Variants in SPHKAP observed in about 807,000 individuals in gnomAD.
SPHKAP encodes the protein A-kinase anchor protein SPHKAP.
Under a neutral mutation model 137.5 loss-of-function variants are expected in SPHKAP, and 67 were observed. The observed-to-expected ratio is 0.49, with a 90% confidence interval of 0.40 to 0.60. The LOEUF (loss-of-function observed/expected upper bound fraction) is 0.60, where lower values mean the gene tolerates loss of function less well. SPHKAP is among the 20% of genes least tolerant of loss of function. SPHKAP has a pLI of 0.00. For synonymous variants in SPHKAP, 813 were observed against 785.3 expected (o/e 1.04, Z -0.59); for missense variants, 2,097 against 2,069.3 (o/e 1.01, Z -0.26).
chr2:227,993,204 T>C (rs1693482179), intron 9 of SPHKAP, among the ~76,000 whole-genome samples: 1 of 152,246 alleles, frequency 6.6e-6, no homozygotes, highest in African/African-American at 2.4e-5. Flanking sequence ...TAGTGAAGAC[T>C]ATTGAGTAGT....
intron 3 of SPHKAP, among the ~76,000 whole-genome samples, chr2:228,043,158 A>G (rs1695914489): frequency 1.3e-5 from 2 of 152,172 alleles, no homozygotes. Context: ...CAGATCCTTT[A>G]TTATTAGAGA....
chr2:228,174,414 G>T (rs372907181), intron 1 of SPHKAP, among the ~76,000 whole-genome samples: 3 of 152,238 alleles, frequency 2.0e-5, no homozygotes, highest in African/African-American at 7.2e-5. Context: ...CTCCGGAGTG[G>T]AAATGTACTG....
chr2:228,092,264 TACAC>T (rs374208825), intron 3 of SPHKAP, among the ~76,000 whole-genome samples: 2 of 144,174 alleles, frequency 1.4e-5, no homozygotes, highest in African/African-American at 2.6e-5. Flanking sequence ...TGTGTATACG[TACAC>T]ACACACGTGT....
chr2:228,046,024 T>C (rs750857509), intron 3 of SPHKAP, among the ~76,000 whole-genome samples: 3 of 152,120 alleles, frequency 2.0e-5, no homozygotes, highest in Non-Finnish European at 4.4e-5. Context: ...TTGTACTATA[T>C]TGTTTACTTG....
intron 3 of SPHKAP, among the ~76,000 whole-genome samples, chr2:228,073,666 A>G (rs1318926642): frequency 6.6e-6 from 1 of 152,224 alleles, no homozygotes; most frequent in Non-Finnish European, 1.5e-5. Flanking sequence ...AATTAAATCA[A>G]CACATCAATA....
intron 1 of SPHKAP, among the ~76,000 whole-genome samples, chr2:228,148,111 C>G (rs1253922234): frequency 6.6e-6 from 1 of 152,130 alleles, no homozygotes; most frequent in Non-Finnish European, 1.5e-5. Flanking sequence ...GGGGTGCTCT[C>G]GTTTTATTGA....
intron 3 of SPHKAP, among the ~76,000 whole-genome samples, chr2:228,107,792 T>G (rs1028899938): frequency 1.3e-5 from 2 of 152,200 alleles, no homozygotes; most frequent in Admixed American, 6.5e-5. Context: ...TGCCACTTAA[T>G]TCTTTGTGTT....
At chr2:228,159,754 G>A (rs1465288830) in intron 1 of SPHKAP, among the ~76,000 whole-genome samples, 1 of 152,042 alleles carries the variant, frequency 6.6e-6, no homozygotes, top group Non-Finnish European at 1.5e-5. Flanking sequence ...GACTACAGGG[G>A]GCTTCAATCA....
intron 7 of SPHKAP, chr2:227,996,136 C>T: frequency 2.2e-5 from 22 of 985,208 alleles, no homozygotes; most frequent in Non-Finnish European, 2.7e-5. Flanking sequence ...AAAATACCTA[C>T]CCCGTTTCTG....
At chr2:228,013,214 C>A (rs1169689709) in intron 7 of SPHKAP, among the ~76,000 whole-genome samples, 2 of 152,180 alleles carry the variant, frequency 1.3e-5, no homozygotes, top group Non-Finnish European at 2.9e-5. Flanking sequence ...TCCTGGAAAT[C>A]CTCGTTTTAA....
intron 3 of SPHKAP, among the ~76,000 whole-genome samples, chr2:228,063,374 A>C (rs1021160986): frequency 1.3e-5 from 2 of 152,188 alleles, no homozygotes; most frequent in South Asian, 4.1e-4. Flanking sequence ...CTTATTTTGC[A>C]TAAAGAGAGA....
At chr2:228,110,650 T>C (rs1698490336) in intron 2 of SPHKAP, among the ~76,000 whole-genome samples, 6 of 152,168 alleles carry the variant, frequency 3.9e-5, no homozygotes. Context: ...TTGCTCTTGT[T>C]GTCTCATGTA....
At chr2:228,159,445 CG>C (rs1197037687) in intron 1 of SPHKAP, among the ~76,000 whole-genome samples, 2 of 152,062 alleles carry the variant, frequency 1.3e-5, no homozygotes, top group African/African-American at 2.4e-5. Flanking sequence ...CTGGAAACAA[CG>C]CACCCACAGA....
At chr2:227,990,852 G>T in intron 11 of SPHKAP, 148 bp downstream of exon 11, 1 of 768,438 alleles carries the variant, frequency 1.3e-6, no homozygotes, top group Non-Finnish European at 2.1e-6. Flanking sequence ...ACAGGTGGAA[G>T]ATTTCAATGT....
chr2:228,061,431 G>C (rs1696628680), intron 3 of SPHKAP, among the ~76,000 whole-genome samples: 1 of 151,738 alleles, frequency 6.6e-6, no homozygotes, highest in Non-Finnish European at 1.5e-5. Flanking sequence ...ACCATGCCCA[G>C]CTAATTTTGT....
intron 1 of SPHKAP, among the ~76,000 whole-genome samples, chr2:228,156,025 G>A (rs1249449727): frequency 6.6e-6 from 1 of 152,120 alleles, no homozygotes; most frequent in Non-Finnish European, 1.5e-5. Flanking sequence ...GAGCATTGTG[G>A]TTAGAAATGT....
intron 3 of SPHKAP, among the ~76,000 whole-genome samples, chr2:228,055,718 T>G (rs1038853036): frequency 1.3e-5 from 2 of 152,224 alleles, no homozygotes; most frequent in African/African-American, 2.4e-5. Context: ...GGATTCCCAG[T>G]GATGGCAGCC....
At chr2:228,117,906 A>C (rs1310199507) in intron 2 of SPHKAP, among the ~76,000 whole-genome samples, 1 of 151,474 alleles carries the variant, frequency 6.6e-6, no homozygotes, top group Non-Finnish European at 1.5e-5. Flanking sequence ...AGAGGACCTG[A>C]ATAAGTGAAA....
chr2:228,107,785 C>A (rs867037110), intron 3 of SPHKAP, among the ~76,000 whole-genome samples: 60 of 152,146 alleles, frequency 3.9e-4, no homozygotes, highest in African/African-American at 1.4e-3. Flanking sequence ...AAATTTTTGC[C>A]ACTTAATTCT....
Sources: gnomAD v4.1 joint callset for allele counts (sites outside exome capture counted in the v4.1 genomes callset) on GRCh38, gnomAD v4.1.1 for gene constraint, MANE v1.5 for transcripts, NCBI Gene and HGNC (gene_info 2026-07-23, HGNC 2026-07-21) for gene names.